EPM2A: variants seen among roughly 807,000 people sequenced by gnomAD.
EPM2A encodes EPM2A glucan phosphatase, laforin.
A neutral mutation model predicts 26.5 loss-of-function variants in EPM2A; 21 were observed. The observed-to-expected ratio is 0.79, with a 90% CI of 0.56 to 1.14. The LOEUF (loss-of-function observed/expected upper bound fraction) is 1.14. Among genes scored for constraint, EPM2A ranks in the 50% most tolerant of loss-of-function variants. The probability of loss-of-function intolerance (pLI) is 0.00; values close to 1 mark genes in which losing one functional copy is unlikely to be tolerated. For synonymous variants in EPM2A, 217 were observed against 177.6 expected (o/e 1.22, Z -1.76); for missense variants, 458 against 440.8 (o/e 1.04, Z -0.35).
At chr6:145,580,240 T>C (rs965518197) in intron 2 of EPM2A, among the ~76,000 whole-genome samples, 2 of 152,144 alleles carry the variant, frequency 1.3e-5, no homozygotes, top group African/African-American at 4.8e-5. Context: ...CAGAGATGAA[T>C]TCTTTCAGAT....
intron 2 of EPM2A, among the ~76,000 whole-genome samples, chr6:145,512,627 C>T (rs1245480168): frequency 7.1e-6 from 1 of 141,518 alleles, no homozygotes; most frequent in East Asian, 2.2e-4. Context: ...CAGAGAATTG[C>T]TTGAACCCAG....
At chr6:145,657,552 T>C (rs1481072132) in intron 2 of EPM2A, among the ~76,000 whole-genome samples, 1 of 152,220 alleles carries the variant, frequency 6.6e-6, no homozygotes, top group African/African-American at 2.4e-5. Flanking sequence ...CTTCTTTCAT[T>C]TATAATCTTC....
At chr6:145,650,758 C>G (rs2128577935) in intron 2 of EPM2A, among the ~76,000 whole-genome samples, 1 of 152,234 alleles carries the variant, frequency 6.6e-6, no homozygotes, top group Admixed American at 6.5e-5. Context: ...TTTTATCACT[C>G]TCAGATTTTC....
At chr6:145,500,707 C>CA (rs561080040), downstream of EPM2A, among the ~76,000 whole-genome samples, 37 of 152,194 alleles carry the variant, frequency 2.4e-4, no homozygotes, top group Admixed American at 5.2e-4. Context: ...CCCAGAGACT[C>CA]AGATTCTTAC....
intron 1 of EPM2A, among the ~76,000 whole-genome samples, chr6:145,720,737 A>G (rs1775908735): frequency 6.6e-6 from 1 of 152,254 alleles, no homozygotes; most frequent in Non-Finnish European, 1.5e-5. Context: ...TCTTCCTAAC[A>G]TACAGAGTTC....
Position 145,527,224 on chromosome 6 carries a change from A to G in EPM2A, c.341-24649T>C, listed in dbSNP as rs375720927. Among the ~76,000 whole-genome samples the G allele has an allele frequency of 2.6e-5, 4 of 152,216 alleles. No homozygotes were observed. In the East Asian group the frequency reaches 7.7e-4, roughly 29 times the overall value. On this transcript the variant is annotated intron_variant, in intron 2 of 3. Coordinates refer to the EPM2A transcript ENST00000450221. ...TAACCAAGGATGTGGTCAATCTTAG[A>G]GTACGTTCCATGTGCAGATGAGAAG...
chr6:145,639,798 C>T (rs1447790207), intron 2 of EPM2A: 3 of 152,146 alleles, frequency 2.0e-5, no homozygotes, highest in African/African-American at 7.2e-5. Flanking sequence ...ACTAAATCTA[C>T]TTCTGAGCCA....
Position 145,470,508 on chromosome 6 carries a change from C to G in EPM2A, c.555+32014G>C, listed in dbSNP as rs975351245. 1.1e-4 allele frequency among the ~76,000 whole-genome samples: 17 copies of G among 152,018 alleles called. 1 individual carries two copies. Among genetic ancestry groups the G allele is most frequent in the Non-Finnish European group, 2.1e-4 (14 of 67,994 alleles). On this transcript the variant is annotated intron_variant, in intron 4 of 4. Coordinates refer to the EPM2A transcript ENST00000638717. ...TTTTTAATATTCCATTTAAAATTGA[C>G]TAGTCAATAATTTATTTTTATATTT...
chr6:145,690,955 C>A (rs1161264611), intron 1 of EPM2A, among the ~76,000 whole-genome samples: 1 of 147,418 alleles, frequency 6.8e-6, no homozygotes, highest in Non-Finnish European at 1.5e-5. Flanking sequence ...AAACAGCAAA[C>A]AACAGAAAAG....
chr6:145,405,736 C>A (rs890682765), intron 4 of EPM2A, among the ~76,000 whole-genome samples: 7 of 152,042 alleles, frequency 4.6e-5, no homozygotes, highest in Non-Finnish European at 4.4e-5. Context: ...CATTGGAGAA[C>A]AACTAGAGTA....
At chr6:145,513,942 A>T (rs1268500235) in intron 2 of EPM2A, among the ~76,000 whole-genome samples, 1 of 152,190 alleles carries the variant, frequency 6.6e-6, no homozygotes, top group East Asian at 1.9e-4. Context: ...CAAATAGGCA[A>T]GGAGCTCTGT....
At chr6:145,558,484 A>C (rs1780761093) in intron 2 of EPM2A, among the ~76,000 whole-genome samples, 1 of 152,026 alleles carries the variant, frequency 6.6e-6, no homozygotes, top group African/African-American at 2.4e-5. Context: ...TTCTATTTTT[A>C]ATTTTTTGAG....
chr6:145,480,685 T>C (rs1462045501), intron 4 of EPM2A, among the ~76,000 whole-genome samples: 1 of 152,148 alleles, frequency 6.6e-6, no homozygotes, highest in Non-Finnish European at 1.5e-5. Flanking sequence ...ATCAAAATGA[T>C]AGACCTTTTA....
chr6:145,671,596 C>T (rs1052473590), intron 2 of EPM2A, among the ~76,000 whole-genome samples: 1 of 152,096 alleles, frequency 6.6e-6, no homozygotes, highest in Admixed American at 6.6e-5. Flanking sequence ...ATTAAAATTT[C>T]TAGAACTGTT....
intron 2 of EPM2A, among the ~76,000 whole-genome samples, chr6:145,655,030 C>T: frequency 6.6e-6 from 1 of 152,058 alleles, no homozygotes; most frequent in East Asian, 1.9e-4. Flanking sequence ...CCCAAAAATG[C>T]ACGCATCGTT....
Position 145,398,279 on chromosome 6 carries a change from T to C in EPM2A, c.556-14182A>G, listed in dbSNP as rs1289225908. ...TGTTTTCTTTATTAGTAAGGTGCTC[T>C]GTTATCTCAAAGACAATCCCAAAAG... On this transcript the variant is annotated intron_variant, in intron 4 of 4. Transcript: ENST00000638717. Among the ~76,000 whole-genome samples, 3 of 152,202 alleles carry C rather than the reference T, an allele frequency of 2.0e-5. No homozygotes were observed. In the East Asian group the frequency reaches 5.8e-4, roughly 29 times the overall value.
At chr6:145,469,243 C>CAA (rs1779439986) in intron 4 of EPM2A, among the ~76,000 whole-genome samples, 1 of 151,994 alleles carries the variant, frequency 6.6e-6, no homozygotes, top group African/African-American at 2.4e-5. Flanking sequence ...CTCACTATCA[C>CAA]AAAAATAGCA....
downstream of EPM2A, among the ~76,000 whole-genome samples, chr6:145,498,109 C>T (rs1294132418): frequency 6.6e-6 from 1 of 152,156 alleles, no homozygotes; most frequent in African/African-American, 2.4e-5. Flanking sequence ...TGGGGGATCC[C>T]TTCTCTCCCC....
intron 4 of EPM2A, among the ~76,000 whole-genome samples, chr6:145,419,146 A>G (rs1344081589): frequency 6.6e-6 from 1 of 150,948 alleles, no homozygotes; most frequent in African/African-American, 2.4e-5. Flanking sequence ...TTAAAACTAT[A>G]AACACCCATT....
Sources: gnomAD v4.1 joint callset for allele counts (sites outside exome capture counted in the v4.1 genomes callset) on GRCh38, gnomAD v4.1.1 for gene constraint, MANE v1.5 for transcripts, NCBI Gene and HGNC (gene_info 2026-07-23, HGNC 2026-07-21) for gene names.